Variants in RCBTB2 observed in about 807,000 individuals in gnomAD.
The protein encoded by RCBTB2 is RCC1 and BTB domain containing protein 2.
A neutral mutation model predicts 65.4 loss-of-function variants in RCBTB2; 55 were observed. That is an observed-to-expected ratio of 0.84 (90% CI 0.68 to 1.05). The LOEUF (loss-of-function observed/expected upper bound fraction) is 1.05. RCBTB2 is among the 50% of genes least tolerant of loss of function. The probability of loss-of-function intolerance (pLI) is 0.00; values close to 1 mark genes in which losing one functional copy is unlikely to be tolerated. For synonymous variants in RCBTB2, 220 were observed against 255.2 expected, an observed-to-expected ratio of 0.86 and a Z score of 1.31; for missense variants, 599 against 680.1, an observed-to-expected ratio of 0.88 and a Z score of 1.33.
At chr13:48,507,403 T>C (rs1593676250) in intron 10 of RCBTB2, among the ~76,000 whole-genome samples, 1 of 152,214 alleles carries the variant, frequency 6.6e-6, no homozygotes, top group East Asian at 1.9e-4. Flanking sequence ...ACAATGACTA[T>C]CAACTGAGCT....
In RCBTB2 at chr13:48,489,588, CTGTTTT is replaced by C. The variant is rs1317410645; in HGVS notation, c.*517_*522del. On this transcript the variant is annotated 3_prime_UTR_variant, in exon 15 of 15. Transcript: ENST00000344532. ...GAATATGAACCTCAATAATTACAGG[CTGTTTT>C]AAGTTTATTTTGTGAAAGTTATTCC... 6.6e-6 allele frequency: 1 copy of C among 152,292 alleles called. No homozygotes were observed. Among genetic ancestry groups the C allele is most frequent in the Non-Finnish European group, 1.5e-5 (1 of 68,148 alleles). 9.4% of individuals were successfully genotyped at this position (152,292 alleles called of 1,614,324 possible).
intron 13 of RCBTB2, among the ~76,000 whole-genome samples, chr13:48,499,231 C>T (rs554682436): frequency 2.6e-5 from 4 of 152,048 alleles, no homozygotes; most frequent in South Asian, 2.1e-4. Flanking sequence ...AGCCAAGCTA[C>T]GGCCCTCTGG....
rs1197965977 is a variant in RCBTB2, at chr13:48,489,889, T to A, written c.*222A>T. 2 of 558,200 alleles carry A rather than the reference T, an allele frequency of 3.6e-6. No individual in the cohort carries two copies. Among genetic ancestry groups the A allele is most frequent in the East Asian group, 6.2e-5 (2 of 32,244 alleles). The allele number at this position is 558,200 out of a possible 1,614,324, so 34.6% of individuals were successfully genotyped here. On this transcript the variant is annotated 3_prime_UTR_variant, in exon 15 of 15. Transcript: ENST00000344532. ...ATGGTAAATAAGATATTTCAATTTT[T>A]TTTCCTTGACCTTAGTCACATCTGA...
intron 1 of RCBTB2, among the ~76,000 whole-genome samples, chr13:48,529,875 T>C (rs1313282104): frequency 6.6e-6 from 1 of 152,136 alleles, no homozygotes; most frequent in East Asian, 1.9e-4. Flanking sequence ...CCTGGACAAT[T>C]TTAATCTGTA....
chr13:48,506,240 C>T (rs9332025), intron 10 of RCBTB2, among the ~76,000 whole-genome samples: 6,623 of 152,250 alleles, frequency 0.044, 317 homozygotes, highest in African/African-American at 0.11. Flanking sequence ...AGGCCAACGC[C>T]GGGATCGGAG....
intron 9 of RCBTB2, among the ~76,000 whole-genome samples, 176 bp downstream of exon 9, chr13:48,511,594 A>G (rs545082857): frequency 6.6e-6 from 1 of 152,328 alleles, no homozygotes; most frequent in African/African-American, 2.4e-5. Context: ...TGGAAGAGAA[A>G]TTTTCTGAAC....
chr13:48,534,998 C>G (rs1043624662), upstream of RCBTB2, among the ~76,000 whole-genome samples: 1 of 152,212 alleles, frequency 6.6e-6, no homozygotes. Context: ...GTATTAGATC[C>G]TGTCTTCCTT....
Position 48,527,361 on chromosome 13 carries a change from T to TATATATCATATA in RCBTB2, c.-218-2605_-218-2604insTATATGATATAT. 4.5e-3 allele frequency among the ~76,000 whole-genome samples: 501 copies of TATATATCATATA among 112,368 alleles called. 18 individuals are homozygous for TATATATCATATA. The highest frequency in any genetic ancestry group is 0.025 in the African/African-American group (460 of 18,044). The allele number at this position is 112,368 out of a possible 152,430, so 73.7% of individuals were successfully genotyped here. On this transcript the variant is annotated intron_variant, in intron 1 of 14. Transcript: ENST00000344532. The stretch of plus-strand genomic sequence containing the variant: ...TGATATATATATATATGATATATAT[T>TATATATCATATA]TATATATGATATATATATATGATAT...
rs150104825 is a variant in RCBTB2 at position 48,493,276 on chromosome 13, CCTCT to C, written c.1515+2911_1515+2914del. ...ACACACACACTCTTCTCTCTCTCAC[CCTCT>C]CTCTCTCTCCACACACACACACACA... On this transcript the variant is annotated intron_variant, in intron 14 of 14. Coordinates refer to ENST00000344532, the MANE Select transcript of RCBTB2 (RefSeq NM_001268.4). Among the ~76,000 whole-genome samples, 1,142 of 127,668 alleles carry C rather than the reference CCTCT, an allele frequency of 8.9e-3. 17 individuals are homozygous for C. Among genetic ancestry groups the C allele is most frequent in the African/African-American group, 0.018 (482 of 26,084 alleles). 83.8% of individuals were successfully genotyped at this position (127,668 alleles called of 152,430 possible).
chr13:48,518,658 C>G (rs1951241089), intron 4 of RCBTB2, among the ~76,000 whole-genome samples: 1 of 151,236 alleles, frequency 6.6e-6, no homozygotes, highest in Admixed American at 6.6e-5. Flanking sequence ...TTTAGGAACA[C>G]AGTGTTCTAT....
intron 4 of RCBTB2, among the ~76,000 whole-genome samples, chr13:48,516,337 C>T (rs1322027169): frequency 2.6e-5 from 4 of 152,144 alleles, no homozygotes; most frequent in Admixed American, 6.5e-5. Context: ...TTAAGGCAGC[C>T]GTAACAAAGT....
At chr13:48,499,139 C>T (rs1950111524) in intron 13 of RCBTB2, among the ~76,000 whole-genome samples, 2 of 148,802 alleles carry the variant, frequency 1.3e-5, no homozygotes, top group Non-Finnish European at 1.5e-5. Flanking sequence ...CACACACACA[C>T]ACACTCTCTC....
In RCBTB2 at chr13:48,522,176, G is replaced by A. The variant is rs557095329; in HGVS notation, c.-24+132C>T. 3.0e-5 allele frequency: 22 copies of A among 729,634 alleles called. No individual in the cohort carries two copies. In the South Asian group the frequency reaches 3.3e-4, roughly 11 times the overall value. 45.2% of individuals were successfully genotyped at this position (729,634 alleles called of 1,614,324 possible). A position where few individuals can be genotyped will look rare whatever the true frequency, so the allele number is the denominator to read the frequency against. On this transcript the variant is annotated intron_variant, in intron 3 of 14. Coordinates refer to ENST00000344532, the MANE Select transcript of RCBTB2 (RefSeq NM_001268.4). ...CTGGAACTACTGGATGGCCTCTTACGGGAATCTTCCTGCTGAGGTCTGAAA... is the reference window on the plus strand; with the variant it reads ...CTGGAACTACTGGATGGCCTCTTACAGGAATCTTCCTGCTGAGGTCTGAAA...
chr13:48,491,169 T>A (rs1385731552), intron 14 of RCBTB2, among the ~76,000 whole-genome samples: 1 of 152,192 alleles, frequency 6.6e-6, no homozygotes. Flanking sequence ...TCTAAGCAAT[T>A]ACATATGAAC....
In RCBTB2 at chr13:48,519,549, G is replaced by A. The variant is rs8002023; in HGVS notation, c.42+2349C>T. On this transcript the variant is annotated intron_variant, in intron 4 of 14. Coordinates refer to ENST00000344532, the MANE Select transcript of RCBTB2 (RefSeq NM_001268.4). The stretch of plus-strand genomic sequence containing the variant: ...CTACTGGCTACTGGGATTCCAATGC[G>A]TGTGTTTTCTTTAATGAAACCTCCA... 6.8e-3 allele frequency among the ~76,000 whole-genome samples: 1,034 copies of A among 152,232 alleles called. 21 individuals carry two copies. Among genetic ancestry groups the A allele is most frequent in the African/African-American group, 0.024 (986 of 41,534 alleles).
chr13:48,516,108 G>C (rs1001047071), intron 4 of RCBTB2, among the ~76,000 whole-genome samples: 12 of 152,192 alleles, frequency 7.9e-5, no homozygotes, highest in Non-Finnish European at 1.8e-4. Flanking sequence ...GAGAGAGAGA[G>C]AGAGAGAGAG....
rs7332828 is a variant in RCBTB2 at position 48,511,713 on chromosome 13, A to G, written c.783+57T>C. ...ACAAATCTATGTTTTTAATACATTG[A>G]TATCTTTGCCAGCGAAGACTTAAAA... is the stretch of plus-strand genomic sequence containing the variant. On this transcript the variant is annotated intron_variant, in intron 9 of 14. Transcript: ENST00000344532. The G allele has an allele frequency of 2.1e-3, 2,976 of 1,421,138 alleles. 47 individuals are homozygous for G. In the African/African-American group the frequency reaches 0.038, roughly 18 times the overall value. 88.0% of individuals were successfully genotyped at this position (1,421,138 alleles called of 1,614,324 possible). A position where few individuals can be genotyped will look rare whatever the true frequency, so the allele number is the denominator to read the frequency against.
intron 14 of RCBTB2, among the ~76,000 whole-genome samples, chr13:48,494,509 G>A (rs1257616995): frequency 6.6e-6 from 1 of 152,196 alleles, no homozygotes; most frequent in Non-Finnish European, 1.5e-5. Context: ...ACCGTCCTAG[G>A]CGCTGGGGAT....
intron 14 of RCBTB2, among the ~76,000 whole-genome samples, chr13:48,491,383 C>G (rs1043392649): frequency 2.0e-5 from 3 of 152,170 alleles, no homozygotes; most frequent in African/African-American, 7.2e-5. Context: ...GTTGGTACCA[C>G]ACCAGCAATA....
Sources: gnomAD v4.1 joint callset for allele counts (sites outside exome capture counted in the v4.1 genomes callset) on GRCh38, gnomAD v4.1.1 for gene constraint, MANE v1.5 for transcripts, NCBI Gene and HGNC (gene_info 2026-07-23, HGNC 2026-07-21) for gene names.